The following ADAMTSL1 variants were observed in gnomAD, a reference collection of about 807,000 sequenced individuals.
ADAMTSL1 encodes ADAMTS like 1.
A neutral mutation model predicts 201.8 loss-of-function variants in ADAMTSL1; 126 were observed. That is an observed-to-expected ratio of 0.62 (90% confidence interval 0.54 to 0.72). The LOEUF (loss-of-function observed/expected upper bound fraction) is 0.72. Ranked by LOEUF, ADAMTSL1 falls within the 30% of genes least tolerant of loss-of-function variation. The pLI, the probability that ADAMTSL1 is intolerant of heterozygous loss-of-function variation, is 0.00. For missense variants in ADAMTSL1, 2,679 were observed against 2,277.8 expected (o/e 1.18, Z -3.59); for synonymous variants, 1,121 against 903.4 (o/e 1.24, Z -4.32).
At chr9:18,421,134 G>A (rs7046726) in intron 2 of ADAMTSL1, among the ~76,000 whole-genome samples, 4,526 of 152,220 alleles carry the variant, frequency 0.03, 211 homozygotes, top group African/African-American at 0.096. Flanking sequence ...ACTGGAATGC[G>A]TTCCCTGATC....
chr9:18,792,359 A>G (rs1822115623), intron 19 of ADAMTSL1, among the ~76,000 whole-genome samples: 1 of 152,240 alleles, frequency 6.6e-6, no homozygotes, highest in Non-Finnish European at 1.5e-5. Context: ...GAAATAGAGG[A>G]AGATAATGAG....
intron 2 of ADAMTSL1, among the ~76,000 whole-genome samples, chr9:18,531,414 G>A (rs536293632): frequency 2.6e-5 from 4 of 152,272 alleles, no homozygotes; most frequent in South Asian, 2.1e-4. Flanking sequence ...AAATTCATTC[G>A]CCTTTTGTCT....
At chr9:18,085,542 G>GTA (rs1587009384) in intron 1 of ADAMTSL1, among the ~76,000 whole-genome samples, 8 of 141,534 alleles carry the variant, frequency 5.7e-5, no homozygotes, top group East Asian at 4.1e-4. Context: ...TATATATACT[G>GTA]TGTATACATA....
intron 3 of ADAMTSL1, among the ~76,000 whole-genome samples, chr9:18,555,031 C>T (rs371652017): frequency 1.1e-4 from 16 of 151,936 alleles, no homozygotes; most frequent in Admixed American, 1.1e-3. Flanking sequence ...TGTTCATCCT[C>T]ACCTCCCCAT....
At chr9:18,067,454 A>C (rs1351363337) in intron 1 of ADAMTSL1, among the ~76,000 whole-genome samples, 1 of 151,934 alleles carries the variant, frequency 6.6e-6, no homozygotes, top group Non-Finnish European at 1.5e-5. Context: ...GAAATATGAA[A>C]GCATAAAATG....
chr9:17,947,265 A>G (rs1201702184), intron 1 of ADAMTSL1, among the ~76,000 whole-genome samples: 1 of 151,394 alleles, frequency 6.6e-6, no homozygotes, highest in Non-Finnish European at 1.5e-5. Context: ...TACAGTTAAA[A>G]TAACTAATGT....
At chr9:18,331,727 T>C (rs981845981) in intron 2 of ADAMTSL1, among the ~76,000 whole-genome samples, 5 of 152,202 alleles carry the variant, frequency 3.3e-5, no homozygotes, top group Admixed American at 2.0e-4. Context: ...TGAATTCTAT[T>C]TGAAGCTGTA....
intron 23 of ADAMTSL1, among the ~76,000 whole-genome samples, chr9:18,865,215 G>T (rs551207638): frequency 2.0e-5 from 3 of 148,234 alleles, no homozygotes; most frequent in Non-Finnish European, 3.0e-5. Flanking sequence ...AATAGGCCCC[G>T]GTGTGTGATG....
chr9:18,753,939 C>A (rs1290289883), intron 16 of ADAMTSL1, among the ~76,000 whole-genome samples: 1 of 152,008 alleles, frequency 6.6e-6, no homozygotes, highest in Admixed American at 6.6e-5. Context: ...CATTACTTAG[C>A]AATATAAGAA....
intron 1 of ADAMTSL1, among the ~76,000 whole-genome samples, chr9:17,947,815 G>A (rs1044019025): frequency 1.3e-5 from 2 of 152,122 alleles, no homozygotes; most frequent in South Asian, 4.2e-4. Context: ...ATTGAAATAG[G>A]TGAAATTAAT....
chr9:17,913,139 A>G (rs1825957373), intron 1 of ADAMTSL1, among the ~76,000 whole-genome samples: 2 of 152,146 alleles, frequency 1.3e-5, no homozygotes, highest in African/African-American at 2.4e-5. Flanking sequence ...TGATACCTCC[A>G]GCTTTGTTCT....
intron 15 of ADAMTSL1, among the ~76,000 whole-genome samples, chr9:18,725,590 T>C (rs1218555075): frequency 2.0e-5 from 3 of 152,084 alleles, no homozygotes; most frequent in African/African-American, 7.2e-5. Context: ...AAAAAAGAAA[T>C]CAGCCTCCTA....
At chr9:18,272,687 C>G (rs953633133) in intron 2 of ADAMTSL1, among the ~76,000 whole-genome samples, 1 of 152,154 alleles carries the variant, frequency 6.6e-6, no homozygotes, top group African/African-American at 2.4e-5. Flanking sequence ...CTGACCTATT[C>G]CTACCTACCA....
chr9:18,281,338 G>C (rs1434106917), intron 2 of ADAMTSL1, among the ~76,000 whole-genome samples: 1 of 152,108 alleles, frequency 6.6e-6, no homozygotes, highest in East Asian at 1.9e-4. Flanking sequence ...TGGGAAGCAA[G>C]AGCCTGGGCT....
intron 1 of ADAMTSL1, among the ~76,000 whole-genome samples, chr9:18,072,353 G>A (rs1586985073): frequency 6.6e-6 from 1 of 152,158 alleles, no homozygotes; most frequent in East Asian, 1.9e-4. Context: ...GTGAGTCTTG[G>A]AAGAGCTATC....
chr9:18,855,336 C>T (rs1447088408), intron 23 of ADAMTSL1, among the ~76,000 whole-genome samples: 1 of 152,136 alleles, frequency 6.6e-6, no homozygotes, highest in African/African-American at 2.4e-5. Flanking sequence ...CATCCCTGTG[C>T]TAGGGTTATA....
intron 1 of ADAMTSL1, among the ~76,000 whole-genome samples, chr9:17,922,705 C>T (rs555912430): frequency 7.1e-6 from 1 of 141,080 alleles, no homozygotes; most frequent in East Asian, 2.1e-4. Context: ...GAGTGAACCA[C>T]GCATCTCATA....
chr9:18,290,069 A>G (rs1405258314), intron 2 of ADAMTSL1, among the ~76,000 whole-genome samples: 2 of 152,148 alleles, frequency 1.3e-5, no homozygotes, highest in Non-Finnish European at 2.9e-5. Flanking sequence ...CCAAGACCAA[A>G]AAGACTGGAC....
intron 2 of ADAMTSL1, among the ~76,000 whole-genome samples, chr9:18,439,038 A>T (rs1300927019): frequency 8.0e-5 from 12 of 149,218 alleles, no homozygotes; most frequent in African/African-American, 3.0e-4. Context: ...CAAAGTATCC[A>T]TATTGGTTTC....
Sources: gnomAD v4.1 joint callset for allele counts (sites outside exome capture counted in the v4.1 genomes callset) on GRCh38, gnomAD v4.1.1 for gene constraint, MANE v1.5 for transcripts, NCBI Gene and HGNC (gene_info 2026-07-23, HGNC 2026-07-21) for gene names.